The following LIMCH1 variants were observed in gnomAD, a reference collection of about 807,000 sequenced individuals.
The protein encoded by LIMCH1 is LIM and calponin homology domains 1, also known as LIM and calponin homology domains-containing protein 1.
In LIMCH1, 113 loss-of-function variants were observed where a neutral mutation model predicts 176.5. The observed-to-expected ratio is 0.64, with a 90% CI of 0.55 to 0.75. LIMCH1 has a LOEUF of 0.75. Among genes scored for constraint, LIMCH1 ranks in the 30% least tolerant of loss-of-function variants. The pLI, the probability that LIMCH1 is intolerant of heterozygous loss-of-function variation, is 0.00. For synonymous variants in LIMCH1, 619 were observed against 645.9 expected (o/e 0.96, Z 0.63); for missense variants, 1,674 against 1,814.9 (o/e 0.92, Z 1.41).
At chr4:41,630,572 T>C (rs1048316103) in intron 9 of LIMCH1, among the ~76,000 whole-genome samples, 6 of 152,206 alleles carry the variant, frequency 3.9e-5, no homozygotes, top group South Asian at 2.1e-4. Context: ...TTGAAAGCTA[T>C]AGAAGCTTAA....
At chr4:41,363,861 A>T (rs760588954) in intron 1 of LIMCH1, among the ~76,000 whole-genome samples, 2 of 152,110 alleles carry the variant, frequency 1.3e-5, no homozygotes, top group South Asian at 2.1e-4. Context: ...GTTTGGGAAG[A>T]CTCCTAGAGG....
At chr4:41,515,781 A>G (rs1217849400) in intron 2 of LIMCH1, among the ~76,000 whole-genome samples, 2 of 152,120 alleles carry the variant, frequency 1.3e-5, no homozygotes, top group Admixed American at 6.5e-5. Flanking sequence ...ATGGATCCCA[A>G]TCCTGGAACT....
Position 41,687,874 on chromosome 4 carries a change from TTCTC to T in LIMCH1, c.4126_4129del (p.Ser1376ProfsTer15). 6.2e-7 allele frequency: 1 copy of T among 1,613,642 alleles called. No individual in the cohort carries two copies. Among genetic ancestry groups the T allele is most frequent in the East Asian group, 2.2e-5 (1 of 44,850 alleles). On this transcript the variant is annotated frameshift_variant, in exon 29 of 32. Transcript: ENST00000503057. LOFTEE classifies it high-confidence loss of function. ...CCGAGAGCACTTCCAGGCTGGGCCTTTCTCTCCCTGTTCTCCCACCCCTCCCGGT... is the reference window on the plus strand; with the variant it reads ...CCGAGAGCACTTCCAGGCTGGGCCTTTCCCTGTTCTCCCACCCCTCCCGGT...
intron 2 of LIMCH1, among the ~76,000 whole-genome samples, chr4:41,509,851 A>G (rs930011235): frequency 6.6e-6 from 1 of 152,222 alleles, no homozygotes; most frequent in African/African-American, 2.4e-5. Context: ...GACTCAGCAC[A>G]GTAGGGGTAC....
intron 1 of LIMCH1, among the ~76,000 whole-genome samples, chr4:41,567,247 T>A (rs1398161159): frequency 6.6e-6 from 1 of 152,206 alleles, no homozygotes; most frequent in Non-Finnish European, 1.5e-5. Context: ...TGCCTTGGTT[T>A]CCTCATATAT....
At chr4:41,444,759 G>T (rs919472890) in intron 1 of LIMCH1, among the ~76,000 whole-genome samples, 3 of 152,178 alleles carry the variant, frequency 2.0e-5, no homozygotes, top group Non-Finnish European at 4.4e-5. Flanking sequence ...CAACATTGGG[G>T]ATTTGAATAG....
intron 1 of LIMCH1, among the ~76,000 whole-genome samples, chr4:41,583,103 A>G (rs921890747): frequency 2.6e-5 from 4 of 152,182 alleles, no homozygotes; most frequent in African/African-American, 4.8e-5. Flanking sequence ...CAATAACTCT[A>G]TGGAACTTAT....
intron 1 of LIMCH1, among the ~76,000 whole-genome samples, chr4:41,387,442 A>G (rs1451365090): frequency 6.6e-6 from 1 of 152,234 alleles, no homozygotes; most frequent in African/African-American, 2.4e-5. Context: ...AGGATAGACC[A>G]AAAAAATTAT....
At chr4:41,385,439 C>T (rs1247987800) in intron 1 of LIMCH1, among the ~76,000 whole-genome samples, 1 of 151,960 alleles carries the variant, frequency 6.6e-6, no homozygotes, top group African/African-American at 2.4e-5. Context: ...CATGGGTTTC[C>T]TTAAATTTCT....
At chr4:41,568,274 C>A (rs74760447) in intron 1 of LIMCH1, among the ~76,000 whole-genome samples, 9,208 of 152,318 alleles carry the variant, frequency 0.06, 406 homozygotes, top group Non-Finnish European at 0.09. Flanking sequence ...ACAGACTCAT[C>A]ACTAAGAAAG....
chr4:41,505,925 GACACACACACAC>G (rs36212568), intron 2 of LIMCH1, among the ~76,000 whole-genome samples: 157 of 134,650 alleles, frequency 1.2e-3, no homozygotes, highest in Admixed American at 2.3e-3. Context: ...CTGTGTTTCT[GACACACACACAC>G]ACACACACAC....
chr4:41,476,757 T>C (rs1255313055), intron 1 of LIMCH1, among the ~76,000 whole-genome samples: 1 of 152,212 alleles, frequency 6.6e-6, no homozygotes, highest in Admixed American at 6.5e-5. Flanking sequence ...TTTCATTCCA[T>C]AGGGGACTGA....
At chr4:41,672,473 A>G (rs1409770566) in intron 22 of LIMCH1, among the ~76,000 whole-genome samples, 2 of 152,218 alleles carry the variant, frequency 1.3e-5, no homozygotes, top group Non-Finnish European at 2.9e-5. Context: ...TAATATGAGG[A>G]TAATACTTGA....
At chr4:41,442,990 G>T (rs1177449613) in intron 1 of LIMCH1, among the ~76,000 whole-genome samples, 3 of 152,052 alleles carry the variant, frequency 2.0e-5, no homozygotes, top group African/African-American at 7.2e-5. Flanking sequence ...CTTAAACTTT[G>T]CCTGCCAATA....
At chr4:41,418,042 A>T (rs1379199489) in intron 1 of LIMCH1, among the ~76,000 whole-genome samples, 1 of 152,248 alleles carries the variant, frequency 6.6e-6, no homozygotes, top group Non-Finnish European at 1.5e-5. Context: ...GAGCTAAAAT[A>T]GTGCATTTGA....
intron 1 of LIMCH1, among the ~76,000 whole-genome samples, chr4:41,477,207 A>G (rs1333189064): frequency 6.6e-6 from 1 of 152,208 alleles, no homozygotes; most frequent in Non-Finnish European, 1.5e-5. Flanking sequence ...TCTGGAGACC[A>G]GGGATAATAA....
At chr4:41,378,930 A>G (rs1410134543) in intron 1 of LIMCH1, among the ~76,000 whole-genome samples, 1 of 152,190 alleles carries the variant, frequency 6.6e-6, no homozygotes, top group Non-Finnish European at 1.5e-5. Flanking sequence ...TGGATAAAAC[A>G]AGTTCCTGAG....
chr4:41,370,207 T>C (rs533993394), intron 1 of LIMCH1, among the ~76,000 whole-genome samples: 1 of 152,280 alleles, frequency 6.6e-6, no homozygotes, highest in Admixed American at 6.5e-5. Flanking sequence ...ACCTTCTCTT[T>C]CTTTCCCTAA....
At chr4:41,490,925 T>C (rs1465387474) in intron 1 of LIMCH1, among the ~76,000 whole-genome samples, 12 of 132,634 alleles carry the variant, frequency 9.0e-5, no homozygotes, top group East Asian at 2.6e-4. Flanking sequence ...CGCTCCTCAC[T>C]TCCCAGACGG....
Sources: gnomAD v4.1 joint callset for allele counts (sites outside exome capture counted in the v4.1 genomes callset) on GRCh38, gnomAD v4.1.1 for gene constraint, MANE v1.5 for transcripts, NCBI Gene and HGNC (gene_info 2026-07-23, HGNC 2026-07-21) for gene names.